VPS53: variants seen among roughly 807,000 people sequenced by gnomAD.
VPS53 encodes vacuolar protein sorting-associated protein 53 homolog.
Under a neutral mutation model 107.0 loss-of-function variants are expected in VPS53, and 70 were observed. That is an observed-to-expected ratio of 0.65 (90% confidence interval 0.54 to 0.80). The LOEUF is 0.80. VPS53 is among the 30% of genes least tolerant of loss of function. VPS53 has a pLI of 0.00. For missense variants in VPS53, 917 were observed against 1,049.4 expected (o/e 0.87, Z 1.74); for synonymous variants, 409 against 393.3 (o/e 1.04, Z -0.47).
At chr17:572,465 C>T (rs1428510997) in intron 13 of VPS53, among the ~76,000 whole-genome samples, 5 of 86,518 alleles carry the variant, frequency 5.8e-5, no homozygotes, top group Non-Finnish European at 9.1e-5. Flanking sequence ...GTGAGGGGCG[C>T]CTCTGCCCGG....
At chr17:667,905 A>G (rs1271601891) in intron 4 of VPS53, among the ~76,000 whole-genome samples, 5 of 152,122 alleles carry the variant, frequency 3.3e-5, no homozygotes, top group African/African-American at 4.8e-5. Context: ...TGTGAACTGC[A>G]CACGCGAGGG....
intron 18 of VPS53, chr17:536,742 G>A (rs1910100801): frequency 6.1e-6 from 2 of 326,364 alleles, no homozygotes; most frequent in East Asian, 6.8e-5. Context: ...CTGAAATGGC[G>A]GCCACACGTC....
chr17:673,053 A>G (rs1253817680), intron 4 of VPS53, among the ~76,000 whole-genome samples: 1 of 147,844 alleles, frequency 6.8e-6, no homozygotes, highest in Non-Finnish European at 1.5e-5. Flanking sequence ...TGGAGCTTGC[A>G]GTGAGCCGAG....
At chr17:625,612 C>T (rs1009432470) in intron 10 of VPS53, among the ~76,000 whole-genome samples, 1 of 152,076 alleles carries the variant, frequency 6.6e-6, no homozygotes, top group Non-Finnish European at 1.5e-5. Context: ...ATCGCTCTGG[C>T]GGAAGGTGCC....
intron 7 of VPS53, among the ~76,000 whole-genome samples, chr17:642,859 A>G (rs1309956128): frequency 6.7e-6 from 1 of 149,526 alleles, no homozygotes; most frequent in East Asian, 2.1e-4. Context: ...GACAACACTC[A>G]TACTTGGAAA....
intron 15 of VPS53, among the ~76,000 whole-genome samples, chr17:559,397 G>A (rs564855777): frequency 6.6e-6 from 1 of 152,212 alleles, no homozygotes; most frequent in Admixed American, 6.5e-5. Context: ...AAGAACTCTG[G>A]AACCCCTGCC....
intron 8 of VPS53, among the ~76,000 whole-genome samples, chr17:629,666 G>A (rs997665934): frequency 2.0e-5 from 3 of 151,886 alleles, no homozygotes; most frequent in Non-Finnish European, 2.9e-5. Flanking sequence ...AGGAGGCTGA[G>A]GCAAGAGAAT....
rs890856032 is a variant in VPS53 at position 512,891 on chromosome 17, A to C, written c.*6237T>G. The stretch of plus-strand genomic sequence containing the variant: ...GGATGGACTCATGCGTGCAGGAGAG[A>C]AATCACTTGGCCGTCACTGGAAGAG... On this transcript the variant is annotated 3_prime_UTR_variant, in exon 22 of 22. Transcript: ENST00000437048. The C allele has an allele frequency of 6.6e-6, 1 of 152,310 alleles. No homozygotes were observed. The highest frequency in any genetic ancestry group is 2.4e-5 in the African/African-American group (1 of 41,466). The allele number at this position is 152,310 out of a possible 1,614,324, so 9.4% of individuals were successfully genotyped here.
At chr17:585,179 C>A (rs373431605) in intron 13 of VPS53, among the ~76,000 whole-genome samples, 379 of 152,304 alleles carry the variant, frequency 2.5e-3, no homozygotes, top group African/African-American at 8.8e-3. Context: ...AGCAAGTAAT[C>A]GAAGTCCCCA....
At chr17:607,976 G>A (rs73975707) in intron 11 of VPS53, among the ~76,000 whole-genome samples, 1,953 of 152,208 alleles carry the variant, frequency 0.013, 44 homozygotes, top group African/African-American at 0.044. Context: ...ATCAAAGAAG[G>A]AACTCTGAAA....
In VPS53 at chr17:586,148, G is replaced by C; in HGVS notation, c.1313+122C>G. Reference sequence around the variant, plus strand: ...AAAATACCCCTAATGGGTTTCTAGGGAGGGTCACAGGCATGCCACAACCAT... The same window carrying C: ...AAAATACCCCTAATGGGTTTCTAGGCAGGGTCACAGGCATGCCACAACCAT... On this transcript the variant is annotated intron_variant, in intron 13 of 21. Coordinates refer to ENST00000437048, the MANE Select transcript of VPS53 (RefSeq NM_001128159.3). The C allele has an allele frequency of 5.2e-6, 4 of 771,450 alleles. No homozygotes were observed. The South Asian group carries it at 6.4e-5, about 12-fold the overall frequency. 47.8% of individuals were successfully genotyped at this position (771,450 alleles called of 1,614,324 possible).
At chr17:557,855 CTTT>C (rs773408955) in intron 15 of VPS53, among the ~76,000 whole-genome samples, 17 of 125,614 alleles carry the variant, frequency 1.4e-4, no homozygotes, top group Admixed American at 2.5e-4. Flanking sequence ...TAAGGATTAT[CTTT>C]TTTTTTTTTT....
In VPS53 at chr17:512,349, T is replaced by C. The variant is rs924482588; in HGVS notation, c.*6779A>G. 6.6e-6 allele frequency: 1 copy of C among 152,252 alleles called. No homozygotes were observed. Among genetic ancestry groups the C allele is most frequent in the Non-Finnish European group, 1.5e-5 (1 of 68,042 alleles). 9.4% of individuals were successfully genotyped at this position (152,252 alleles called of 1,614,324 possible). Reference sequence around the variant, plus strand: ...CCCTCTCACCAATATTGAAAATGGATGCTCAGGGGATCAGTGACTCGCCTG... The same window carrying C: ...CCCTCTCACCAATATTGAAAATGGACGCTCAGGGGATCAGTGACTCGCCTG... On this transcript the variant is annotated 3_prime_UTR_variant, in exon 22 of 22. Coordinates refer to ENST00000437048, the MANE Select transcript of VPS53 (RefSeq NM_001128159.3).
At position 524,222 on chromosome 17, in the gene VPS53, C is replaced by G. The variant is rs2151796767; in HGVS notation, c.2086-2484G>C. Reference sequence around the variant, plus strand: ...GCTGAGGCAGGAGAATTGCTTGAACCTGGGAGGTTTGCGCTACAGCCTGGG... The same window carrying G: ...GCTGAGGCAGGAGAATTGCTTGAACGTGGGAGGTTTGCGCTACAGCCTGGG... On this transcript the variant is annotated intron_variant, in intron 19 of 21. Coordinates refer to ENST00000437048, the MANE Select transcript of VPS53 (RefSeq NM_001128159.3). The surrounding 1 kb of genome is among the most constrained non-coding windows in gnomAD (Gnocchi z 4.5). 6.6e-6 allele frequency among the ~76,000 whole-genome samples: 1 copy of G among 152,134 alleles called. No homozygotes were observed. Among genetic ancestry groups the G allele is most frequent in the Non-Finnish European group, 1.5e-5 (1 of 67,998 alleles).
chr17:524,493 C>T lies in VPS53; in HGVS notation c.2086-2755G>A, dbSNP rs569620276. Among the ~76,000 whole-genome samples the T allele has an allele frequency of 3.9e-5, 6 of 152,170 alleles. No individual in the cohort carries two copies. The highest frequency in any genetic ancestry group is 9.6e-5 in the African/African-American group (4 of 41,504). ...CAACGTTGACAAGGGAACGGGGTTC[C>T]GAACATGAAGATTCCTACACATCAA... On this transcript the variant is annotated intron_variant, in intron 19 of 21. Transcript: ENST00000437048. This position sits in a 1 kb window ranked among gnomAD's most constrained non-coding sequence, Gnocchi z 4.5.
rs773874372 is a variant in VPS53 at position 562,570 on chromosome 17, G to C, written c.1489C>G (p.Leu497Val). ...AGGTACTTCTGGAAAATGGTGGTCA[G>C]GGCGATCATGGGCTCCCCAGTACTG... ...QLSTGEPMIA[L>V]TTIFQKYLRE... is the part of the protein sequence containing the mutation. Residue 497 changes from leucine to valine, a missense_variant, in exon 14 of 22, where the codon CTG (leucine) becomes GTG (valine). Transcript: ENST00000437048. The C allele has an allele frequency of 1.2e-6, 2 of 1,614,024 alleles. No homozygotes were observed. The highest frequency in any genetic ancestry group is 4.5e-5 in the East Asian group (2 of 44,866).
chr17:696,062 C>T (rs895133239), intron 4 of VPS53, among the ~76,000 whole-genome samples: 6 of 152,094 alleles, frequency 3.9e-5, no homozygotes, highest in Middle Eastern at 3.4e-3. Flanking sequence ...ACAGACAAAA[C>T]GAGGTAACGA....
chr17:657,827 G>A (rs1971254901), intron 5 of VPS53, among the ~76,000 whole-genome samples: 1 of 151,750 alleles, frequency 6.6e-6, no homozygotes, highest in South Asian at 2.1e-4. Context: ...CGGCCGTTGA[G>A]GTCGTGGATA....
At chr17:564,654 T>C (rs1381377757) in intron 13 of VPS53, among the ~76,000 whole-genome samples, 1 of 151,320 alleles carries the variant, frequency 6.6e-6, no homozygotes, top group African/African-American at 2.4e-5. Context: ...GAGGCGGAGG[T>C]TGCTGTGAGC....
Sources: gnomAD v4.1 joint callset for allele counts (sites outside exome capture counted in the v4.1 genomes callset) on GRCh38, gnomAD v4.1.1 for gene constraint, Gnocchi (gnomAD v3.1) non-coding constraint, MANE v1.5 for transcripts, NCBI Gene and HGNC (gene_info 2026-07-23, HGNC 2026-07-21) for gene names.